The following NELL2 variants were observed in gnomAD, a reference collection of about 807,000 sequenced individuals.
The protein encoded by NELL2 is protein kinase C-binding protein NELL2.
In NELL2, 41 loss-of-function variants were observed where a neutral mutation model predicts 109.6. The observed-to-expected ratio is 0.37, with a 90% CI of 0.29 to 0.49. The LOEUF (loss-of-function observed/expected upper bound fraction) is 0.49, where lower values mean the gene tolerates loss of function less well. Ranked by LOEUF, NELL2 falls within the 20% of genes least tolerant of loss-of-function variation. The pLI, the probability that NELL2 is intolerant of heterozygous loss-of-function variation, is 0.98. For missense variants in NELL2, 900 were observed against 1,008.3 expected, an observed-to-expected ratio of 0.89 and a Z score of 1.45; for synonymous variants, 355 against 344.7, an observed-to-expected ratio of 1.03 and a Z score of -0.33.
At chr12:44,709,771 A>G (rs149752520) in intron 11 of NELL2, among the ~76,000 whole-genome samples, 1 of 152,314 alleles carries the variant, frequency 6.6e-6, no homozygotes, top group African/African-American at 2.4e-5. Flanking sequence ...AGTCATATGT[A>G]TATTTAAGTT....
chr12:44,707,385 C>T (rs1432457278), intron 11 of NELL2, among the ~76,000 whole-genome samples: 1 of 152,128 alleles, frequency 6.6e-6, no homozygotes, highest in Non-Finnish European at 1.5e-5. Context: ...GCTGAGAACA[C>T]ATCGAGCCTC....
chr12:44,580,910 T>C (rs1047400074), intron 15 of NELL2, among the ~76,000 whole-genome samples: 7 of 152,348 alleles, frequency 4.6e-5, no homozygotes, highest in African/African-American at 1.7e-4. Flanking sequence ...AGTTTGAATT[T>C]AAATTACTGC....
intron 13 of NELL2, among the ~76,000 whole-genome samples, chr12:44,639,876 A>T (rs1946788426): frequency 6.6e-6 from 1 of 151,984 alleles, no homozygotes; most frequent in African/African-American, 2.4e-5. Context: ...GCATGATCGG[A>T]CCCCACCCTA....
At chr12:44,912,420 C>T (rs1430979110) in intron 1 of NELL2, among the ~76,000 whole-genome samples, 1 of 152,122 alleles carries the variant, frequency 6.6e-6, no homozygotes, top group Non-Finnish European at 1.5e-5. Context: ...TAGGACTTCT[C>T]TGCACCTCTT....
intron 15 of NELL2, among the ~76,000 whole-genome samples, chr12:44,559,611 T>C (rs566142084): frequency 2.0e-5 from 3 of 152,270 alleles, no homozygotes; most frequent in Admixed American, 6.5e-5. Context: ...AAGGGATGAA[T>C]GCAACAAGAA....
At chr12:44,889,379 G>A (rs770429525) in intron 1 of NELL2, among the ~76,000 whole-genome samples, 31 of 151,964 alleles carry the variant, frequency 2.0e-4, no homozygotes, top group Non-Finnish European at 3.4e-4. Context: ...AGAGCCATGA[G>A]TCATCAGTTC....
intron 15 of NELL2, among the ~76,000 whole-genome samples, chr12:44,586,593 T>C (rs1401576076): frequency 6.6e-6 from 1 of 152,090 alleles, no homozygotes; most frequent in East Asian, 1.9e-4. Flanking sequence ...ACAACTACAA[T>C]GAGGCACTCT....
At chr12:44,601,683 C>A (rs1295432870) in intron 15 of NELL2, among the ~76,000 whole-genome samples, 2 of 152,116 alleles carry the variant, frequency 1.3e-5, no homozygotes, top group South Asian at 4.2e-4. Context: ...ACAAAATCAT[C>A]ATATCAGGTG....
chr12:44,783,312 C>T (rs990047481), intron 3 of NELL2, among the ~76,000 whole-genome samples: 7 of 151,250 alleles, frequency 4.6e-5, no homozygotes, highest in Admixed American at 4.6e-4. Flanking sequence ...TAAGCTCCCA[C>T]CTCAAGAGCA....
At chr12:44,726,843 T>G (rs1164071951) in intron 9 of NELL2, among the ~76,000 whole-genome samples, 7 of 152,192 alleles carry the variant, frequency 4.6e-5, no homozygotes, top group Admixed American at 3.9e-4. Context: ...TATATTAGTA[T>G]GTATTTATAG....
At chr12:44,769,964 C>T (rs956469984) in intron 9 of NELL2, among the ~76,000 whole-genome samples, 3 of 152,066 alleles carry the variant, frequency 2.0e-5, no homozygotes, top group South Asian at 4.1e-4. Flanking sequence ...GATTAAGATA[C>T]GCCCACAATA....
chr12:44,868,727 G>A (rs1945079808), intron 2 of NELL2, among the ~76,000 whole-genome samples: 1 of 152,092 alleles, frequency 6.6e-6, no homozygotes, highest in African/African-American at 2.4e-5. Context: ...TGGTTACTAG[G>A]GCCTGGGGAT....
At chr12:44,578,923 A>G (rs1451063688) in intron 15 of NELL2, among the ~76,000 whole-genome samples, 2 of 152,184 alleles carry the variant, frequency 1.3e-5, no homozygotes, top group African/African-American at 4.8e-5. Context: ...CTTAGGTTCA[A>G]TCACAACTTA....
Position 44,875,960 on chromosome 12 carries a change from T to G in NELL2, c.-91A>C, listed in dbSNP as rs1945307341. The G allele has an allele frequency of 1.3e-6, 2 of 1,594,042 alleles. No homozygotes were observed. The highest frequency in any genetic ancestry group is 2.2e-5 in the South Asian group (2 of 90,034). On this transcript the variant is annotated 5_prime_UTR_variant, in exon 1 of 20. Transcript: ENST00000429094. ...TGGAATCAAGCGGGAAAATAACGTT[T>G]GTCTCTCCTGCTGCTGCCTCGGATT...
intron 9 of NELL2, 26 bp from the exon 10 acceptor site, chr12:44,714,767 T>C: frequency 6.9e-7 from 1 of 1,441,162 alleles, no homozygotes; most frequent in Non-Finnish European, 9.5e-7. Flanking sequence ...TACATATATA[T>C]TTATTTTATT....
At chr12:44,531,873 G>T (rs1372694915) in intron 16 of NELL2, among the ~76,000 whole-genome samples, 8 of 152,070 alleles carry the variant, frequency 5.3e-5, no homozygotes, top group African/African-American at 1.7e-4. Context: ...TTTCAGTGCG[G>T]GTAGTTTCCC....
rs34309919 is a variant in NELL2 at position 44,542,291 on chromosome 12, CT to C, written c.1664-9571del. 2.2e-3 allele frequency among the ~76,000 whole-genome samples: 310 copies of C among 142,080 alleles called. 2 individuals are homozygous for C. Among genetic ancestry groups the C allele is most frequent in the Middle Eastern group, 3.6e-3 (1 of 274 alleles). The allele number at this position is 142,080 out of a possible 152,430, so 93.2% of individuals were successfully genotyped here. A position where few individuals can be genotyped will look rare whatever the true frequency, so the allele number is the denominator to read the frequency against. On this transcript the variant is annotated intron_variant, in intron 15 of 19. Coordinates refer to ENST00000429094, the MANE Select transcript of NELL2 (RefSeq NM_001145108.2). The stretch of plus-strand genomic sequence containing the variant: ...ACCTCAATGTCCTCTATATATTAGT[CT>C]TTTTTTTTTTTTTGCAGACCTTATC...
At chr12:44,570,895 A>G (rs1368831761) in intron 15 of NELL2, among the ~76,000 whole-genome samples, 1 of 152,156 alleles carries the variant, frequency 6.6e-6, no homozygotes, top group African/African-American at 2.4e-5. Context: ...CAAATTTAGC[A>G]AAATGTTGTA....
intron 11 of NELL2, among the ~76,000 whole-genome samples, chr12:44,705,482 A>C (rs1003468978): frequency 1.8e-4 from 27 of 152,336 alleles, no homozygotes; most frequent in Middle Eastern, 6.8e-3. Context: ...TGTACATTTA[A>C]AAGTAAAATT....
Sources: gnomAD v4.1 joint callset for allele counts (sites outside exome capture counted in the v4.1 genomes callset) on GRCh38, gnomAD v4.1.1 for gene constraint, MANE v1.5 for transcripts, NCBI Gene and HGNC (gene_info 2026-07-23, HGNC 2026-07-21) for gene names.